HECW2: variants seen among roughly 807,000 people sequenced by gnomAD.
The protein encoded by HECW2 is E3 ubiquitin-protein ligase HECW2.
In HECW2, 61 loss-of-function variants were observed where a neutral mutation model predicts 175.2. The observed-to-expected ratio is 0.35, with a 90% confidence interval of 0.28 to 0.43. HECW2 has a LOEUF of 0.43. Ranked by LOEUF, HECW2 falls within the 20% of genes least tolerant of loss-of-function variation. The probability of loss-of-function intolerance (pLI) is 1.00; values close to 1 mark genes in which losing one functional copy is unlikely to be tolerated. For synonymous variants in HECW2, 671 were observed against 731.0 expected, an observed-to-expected ratio of 0.92 and a Z score of 1.32; for missense variants, 1,524 against 2,000.5, an observed-to-expected ratio of 0.76 and a Z score of 4.54.
intron 15 of HECW2, among the ~76,000 whole-genome samples, chr2:196,275,492 A>G (rs945576249): frequency 4.6e-5 from 7 of 152,090 alleles, no homozygotes; most frequent in African/African-American, 9.7e-5. Context: ...GGTGGCTCAC[A>G]CCTATAATCC....
At position 196,201,152 on chromosome 2, in the gene HECW2, A is replaced by G. The variant is rs929345861; in HGVS notation, c.*125T>C. The G allele has an allele frequency of 8.8e-6, 6 of 683,468 alleles. No homozygotes were observed. In the Admixed American group the frequency reaches 9.2e-5, roughly 10 times the overall value. 42.3% of individuals were successfully genotyped at this position (683,468 alleles called of 1,614,324 possible). ...AATGTGACAGAGCACTTGTTCCTGG[A>G]AAACAACAGCACATAGCTTTATCCT... On this transcript the variant is annotated 3_prime_UTR_variant, in exon 29 of 29. Transcript: ENST00000644978.
chr2:196,446,681 TAA>T (rs1183690860), intron 1 of HECW2, among the ~76,000 whole-genome samples: 1 of 152,236 alleles, frequency 6.6e-6, no homozygotes, highest in Non-Finnish European at 1.5e-5. Context: ...GGTTAAATTT[TAA>T]AGTCTGAGGT....
intron 1 of HECW2, among the ~76,000 whole-genome samples, chr2:196,543,239 G>C (rs1689289025): frequency 6.6e-6 from 1 of 150,800 alleles, no homozygotes; most frequent in African/African-American, 2.4e-5. Context: ...CAAGTGAAGA[G>C]TGTCACATAT....
chr2:196,338,581 C>G (rs1692636863), intron 3 of HECW2, among the ~76,000 whole-genome samples: 3 of 152,190 alleles, frequency 2.0e-5, no homozygotes, highest in Admixed American at 2.0e-4. Context: ...AATGGTTTTG[C>G]CTCAGACTAG....
rs116605867 is a variant in HECW2, at chr2:196,334,581, G to A, written c.401-63C>T. 7,850 of 1,335,772 alleles carry A rather than the reference G, an allele frequency of 5.9e-3. 305 individuals are homozygous for A. In the African/African-American group the frequency reaches 0.096, roughly 16 times the overall value. 82.7% of individuals were successfully genotyped at this position (1,335,772 alleles called of 1,614,324 possible). ...GAAACAAGTCATGGAGGAATCAGCTGTGGAAATCCACCATACCACCTCTCA... is the reference window on the plus strand; with the variant it reads ...GAAACAAGTCATGGAGGAATCAGCTATGGAAATCCACCATACCACCTCTCA... On this transcript the variant is annotated intron_variant, in intron 3 of 28. Coordinates refer to ENST00000644978, the MANE Select transcript of HECW2 (RefSeq NM_001348768.2).
At chr2:196,444,714 G>T (rs895440340) in intron 1 of HECW2, among the ~76,000 whole-genome samples, 1 of 152,182 alleles carries the variant, frequency 6.6e-6, no homozygotes, top group Non-Finnish European at 1.5e-5. Flanking sequence ...GTTGGACAAG[G>T]GTGAACAGGG....
chr2:196,240,717 G>A (rs1688417961), intron 20 of HECW2, among the ~76,000 whole-genome samples, 155 bp from the exon 21 acceptor site: 1 of 152,014 alleles, frequency 6.6e-6, no homozygotes. Context: ...GTACACATTT[G>A]TCTTGAACTC....
chr2:196,377,401 G>A (rs1170959453), intron 2 of HECW2, among the ~76,000 whole-genome samples: 2 of 152,214 alleles, frequency 1.3e-5, no homozygotes, highest in Non-Finnish European at 1.5e-5. Flanking sequence ...AAAGGAAAGA[G>A]GTTTAACTGA....
chr2:196,293,880 A>G (rs1433549428), intron 13 of HECW2, among the ~76,000 whole-genome samples: 1 of 152,202 alleles, frequency 6.6e-6, no homozygotes, highest in Non-Finnish European at 1.5e-5. Flanking sequence ...AAGGACATGC[A>G]ATGGAATGAG....
In HECW2 at chr2:196,303,272, T is replaced by C. The variant is rs146890513; in HGVS notation, c.2814+3216A>G. 5.8e-3 allele frequency among the ~76,000 whole-genome samples: 881 copies of C among 152,334 alleles called. 7 individuals are homozygous for C. Among genetic ancestry groups the C allele is most frequent in the Middle Eastern group, 0.02 (6 of 294 alleles). ...CATCCTGGGGATAAAGTCAATTTGA[T>C]TGTGGTGGATAACTTTTTTGATGTG... is the stretch of plus-strand genomic sequence containing the variant. On this transcript the variant is annotated intron_variant, in intron 13 of 28. Transcript: ENST00000644978.
intron 1 of HECW2, among the ~76,000 whole-genome samples, chr2:196,445,043 T>C (rs1270730996): frequency 6.6e-6 from 1 of 152,230 alleles, no homozygotes; most frequent in Non-Finnish European, 1.5e-5. Context: ...ACTCTCTTTT[T>C]GAAGAGCACC....
At chr2:196,546,399 G>A (rs981070269) in intron 1 of HECW2, among the ~76,000 whole-genome samples, 8 of 152,174 alleles carry the variant, frequency 5.3e-5, no homozygotes, top group East Asian at 1.9e-4. Flanking sequence ...AACATTAGTC[G>A]AATGGATTTA....
intron 16 of HECW2, among the ~76,000 whole-genome samples, chr2:196,273,530 A>G (rs866586998): frequency 2.5e-4 from 38 of 152,146 alleles, no homozygotes; most frequent in African/African-American, 9.2e-4. Flanking sequence ...TCCCACACTC[A>G]TTTATTTTTA....
chr2:196,348,352 CAA>C (rs1693037925), intron 2 of HECW2, among the ~76,000 whole-genome samples: 1 of 151,946 alleles, frequency 6.6e-6, no homozygotes, highest in African/African-American at 2.4e-5. Flanking sequence ...AAAGTAAGAA[CAA>C]TAGTGGGCCC....
intron 2 of HECW2, among the ~76,000 whole-genome samples, chr2:196,363,859 G>A (rs1475355448): frequency 6.6e-6 from 1 of 152,086 alleles, no homozygotes; most frequent in Non-Finnish European, 1.5e-5. Context: ...GAAAGAATAA[G>A]AAATCTAGAA....
chr2:196,527,270 C>G (rs950826047), intron 1 of HECW2, among the ~76,000 whole-genome samples: 17 of 152,256 alleles, frequency 1.1e-4, no homozygotes, highest in African/African-American at 2.9e-4. Flanking sequence ...CTTTCTTTGA[C>G]TCGGAAAGGG....
intron 1 of HECW2, among the ~76,000 whole-genome samples, chr2:196,475,090 C>T (rs149824415): frequency 1.3e-5 from 2 of 152,202 alleles, no homozygotes; most frequent in East Asian, 3.9e-4. Context: ...CAACCAAAGG[C>T]CCTTTCTCAG....
intron 21 of HECW2, among the ~76,000 whole-genome samples, chr2:196,229,407 C>A (rs1687967850): frequency 6.6e-6 from 1 of 152,032 alleles, no homozygotes; most frequent in African/African-American, 2.4e-5. Context: ...TGCCTGTAAT[C>A]CCAGCACTTT....
At chr2:196,334,227 T>C (rs1300754085) in intron 4 of HECW2, among the ~76,000 whole-genome samples, 197 bp downstream of exon 4, 2 of 152,346 alleles carry the variant, frequency 1.3e-5, no homozygotes, top group East Asian at 3.9e-4. Flanking sequence ...AATCAAATCC[T>C]ATGTTTCCAC....
Sources: allele counts gnomAD v4.1 joint callset (sites outside exome capture counted in the v4.1 genomes callset), GRCh38; gene constraint gnomAD v4.1.1; transcripts MANE v1.5; gene names NCBI Gene and HGNC (gene_info 2026-07-23, HGNC 2026-07-21).